GALK2: variants seen among roughly 807,000 people sequenced by gnomAD.
GALK2 encodes N-acetylgalactosamine kinase.
A neutral mutation model predicts 52.4 loss-of-function variants in GALK2; 36 were observed. The observed-to-expected ratio is 0.69, with a 90% CI of 0.53 to 0.91. The LOEUF (loss-of-function observed/expected upper bound fraction) is 0.91, where lower values mean the gene tolerates loss of function less well. GALK2 is among the 40% of genes least tolerant of loss of function. GALK2 has a pLI of 0.00. For missense variants in GALK2, 579 were observed against 559.1 expected (o/e 1.04, Z -0.36); for synonymous variants, 176 against 199.1 (o/e 0.88, Z 0.98).
chr15:49,290,626 G>A (rs1344756813), intron 7 of GALK2, among the ~76,000 whole-genome samples: 1 of 152,228 alleles, frequency 6.6e-6, no homozygotes, highest in East Asian at 1.9e-4. Flanking sequence ...GGAACTTGGA[G>A]ATTACTGTGG....
intron 5 of GALK2, among the ~76,000 whole-genome samples, chr15:49,251,933 C>T (rs1595839785): frequency 1.3e-5 from 2 of 151,970 alleles, no homozygotes; most frequent in Non-Finnish European, 2.9e-5. Context: ...TATGTTTGCC[C>T]TTTTTGTAAA....
intron 3 of GALK2, among the ~76,000 whole-genome samples, chr15:49,340,568 C>T (rs1482291800): frequency 1.3e-5 from 2 of 152,214 alleles, no homozygotes; most frequent in African/African-American, 2.4e-5. Flanking sequence ...TCCTATTAGG[C>T]CATCTTGCCA....
chr15:49,197,746 G>A (rs1393846213), intron 1 of GALK2, among the ~76,000 whole-genome samples: 1 of 151,930 alleles, frequency 6.6e-6, no homozygotes, highest in Admixed American at 6.6e-5. Flanking sequence ...ATATACTATG[G>A]TACATTTTAT....
In GALK2 at chr15:49,329,161, G is replaced by A. The variant is rs1175970031; in HGVS notation, c.*1002G>A. Reference sequence around the variant, plus strand: ...CACCCCATTGTAAAGCAGGTATGCAGGTATGTGGGTGAAAGTGACTATGAA... The same window carrying A: ...CACCCCATTGTAAAGCAGGTATGCAAGTATGTGGGTGAAAGTGACTATGAA... On this transcript the variant is annotated 3_prime_UTR_variant, in exon 10 of 10. Coordinates refer to ENST00000560031, the MANE Select transcript of GALK2 (RefSeq NM_002044.4). 2.0e-6 allele frequency: 2 copies of A among 987,288 alleles called. No individual in the cohort carries two copies. The highest frequency in any genetic ancestry group is 2.4e-6 in the Non-Finnish European group (2 of 831,266). The allele number at this position is 987,288 out of a possible 1,614,324, so 61.2% of individuals were successfully genotyped here.
At chr15:49,186,507 C>G (rs2086350059) in intron 1 of GALK2, among the ~76,000 whole-genome samples, 1 of 147,676 alleles carries the variant, frequency 6.8e-6, no homozygotes, top group South Asian at 2.2e-4. Context: ...TGATAAGATT[C>G]TGAATTTTTT....
At chr15:49,293,015 T>C (rs2034095222) in intron 8 of GALK2, among the ~76,000 whole-genome samples, 1 of 152,180 alleles carries the variant, frequency 6.6e-6, no homozygotes, top group Non-Finnish European at 1.5e-5. Flanking sequence ...CATCAGAAAC[T>C]GAGATGAAGC....
chr15:49,210,927 A>T (rs1287723746), intron 2 of GALK2, among the ~76,000 whole-genome samples: 1 of 146,294 alleles, frequency 6.8e-6, no homozygotes, highest in Non-Finnish European at 1.5e-5. Context: ...TTGTATTTTT[A>T]CTAGAGACGG....
intron 8 of GALK2, among the ~76,000 whole-genome samples, chr15:49,299,927 G>A (rs2034959374): frequency 6.6e-6 from 1 of 151,730 alleles, no homozygotes; most frequent in African/African-American, 2.4e-5. Flanking sequence ...TTCTGTTGTT[G>A]TTGGGTGGAG....
At chr15:49,182,776 A>G (rs1192388828) in intron 1 of GALK2, among the ~76,000 whole-genome samples, 1 of 152,036 alleles carries the variant, frequency 6.6e-6, no homozygotes, top group African/African-American at 2.4e-5. Context: ...CCTGTTTGCC[A>G]TTTTTATGTC....
intron 2 of GALK2, among the ~76,000 whole-genome samples, chr15:49,214,025 C>T (rs1566943855): frequency 6.6e-6 from 1 of 151,980 alleles, no homozygotes; most frequent in Admixed American, 6.6e-5. Flanking sequence ...GAGGCTGAGG[C>T]AGGAGAATGG....
chr15:49,318,069 A>G (rs2151080889), intron 8 of GALK2: 1 of 149,656 alleles, frequency 6.7e-6, no homozygotes, highest in African/African-American at 2.4e-5. Context: ...AAAAAAAAAA[A>G]TTATAGACTT....
rs186771165 is a variant in GALK2, at chr15:49,307,455, G to T, written c.968-12149G>T. Among the ~76,000 whole-genome samples the T allele has an allele frequency of 6.8e-4, 103 of 152,294 alleles. 2 individuals are homozygous for T. In the South Asian group the frequency reaches 7.9e-3, roughly 12 times the overall value. ...GGTATGTATGAGCAGGTTGATTAGA[G>T]GGGAGAGGGATACCAGTTAGAAGGT... On this transcript the variant is annotated intron_variant, in intron 8 of 9. Transcript: ENST00000560031.
At chr15:49,259,458 T>C (rs956115394) in intron 5 of GALK2, among the ~76,000 whole-genome samples, 3 of 150,338 alleles carry the variant, frequency 2.0e-5, no homozygotes, top group Admixed American at 6.7e-5. Flanking sequence ...TTTGTTCTTG[T>C]GATAGTTTAC....
rs1320423856 is a variant in GALK2, at chr15:49,282,183, A to G, written c.603+98A>G. ...AGAGCCCCAGGATGCTTGGTTATGG[A>G]CAGCCTACTATATTAGGCTCTATTG... is the stretch of plus-strand genomic sequence containing the variant. On this transcript the variant is annotated intron_variant, in intron 6 of 9. Coordinates refer to ENST00000560031, the MANE Select transcript of GALK2 (RefSeq NM_002044.4). 22 of 784,860 alleles carry G rather than the reference A, an allele frequency of 2.8e-5. No homozygotes were observed. The Admixed American group carries it at 4.8e-4, about 17-fold the overall frequency. The allele number at this position is 784,860 out of a possible 1,614,324, so 48.6% of individuals were successfully genotyped here. A position where few individuals can be genotyped will look rare whatever the true frequency, so the allele number is the denominator to read the frequency against.
At chr15:49,338,148 T>A (rs1454773169) in intron 3 of GALK2, among the ~76,000 whole-genome samples, 1 of 152,236 alleles carries the variant, frequency 6.6e-6, no homozygotes, top group Admixed American at 6.5e-5. Context: ...TTAATATTGT[T>A]ATGTGTGAAC....
At chr15:49,237,204 G>C (rs1682382948) in intron 4 of GALK2, among the ~76,000 whole-genome samples, 1 of 152,172 alleles carries the variant, frequency 6.6e-6, no homozygotes, top group Admixed American at 6.5e-5. Flanking sequence ...AAGCCTTCCT[G>C]TTTGGTTTGA....
At chr15:49,175,967 A>G (rs1420760035) in intron 1 of GALK2, among the ~76,000 whole-genome samples, 1 of 152,188 alleles carries the variant, frequency 6.6e-6, no homozygotes, top group Non-Finnish European at 1.5e-5. Context: ...AGGGACAGGA[A>G]TTGCTCACTC....
Position 49,283,549 on chromosome 15 carries a change from C to A in GALK2, c.604-17C>A. On this transcript the variant is annotated splice_polypyrimidine_tract_variant and intron_variant, in intron 6 of 9. Transcript: ENST00000560031. Reference sequence around the variant, plus strand: ...TTCTAATAAATTATATTTCTCCTTTCATTTTTCTTCTAACAGGCCAAGTTG... The same window carrying A: ...TTCTAATAAATTATATTTCTCCTTTAATTTTTCTTCTAACAGGCCAAGTTG... 2 of 1,590,030 alleles carry A rather than the reference C, an allele frequency of 1.3e-6. No homozygotes were observed. Among genetic ancestry groups the A allele is most frequent in the Non-Finnish European group, 1.7e-6 (2 of 1,163,260 alleles).
intron 8 of GALK2, among the ~76,000 whole-genome samples, chr15:49,295,329 C>A (rs922720501): frequency 5.0e-5 from 7 of 141,106 alleles, no homozygotes; most frequent in African/African-American, 1.5e-4. Context: ...CTCTCTCTCT[C>A]TATCTATATA....
Sources: allele counts gnomAD v4.1 joint callset (sites outside exome capture counted in the v4.1 genomes callset), GRCh38; gene constraint gnomAD v4.1.1; transcripts MANE v1.5; gene names NCBI Gene and HGNC (gene_info 2026-07-23, HGNC 2026-07-21).